Variants in LINGO2 observed in about 807,000 individuals in gnomAD.
LINGO2 encodes leucine-rich repeat and immunoglobulin-like domain-containing nogo receptor-interacting protein 2.
Under a neutral mutation model 30.6 loss-of-function variants are expected in LINGO2, and 14 were observed. That is an observed-to-expected ratio of 0.46 (90% CI 0.30 to 0.72). The LOEUF (loss-of-function observed/expected upper bound fraction) is 0.72, where lower values mean the gene tolerates loss of function less well. Among genes scored for constraint, LINGO2 ranks in the 30% least tolerant of loss-of-function variants. The pLI is 0.07. For missense variants in LINGO2, 729 were observed against 751.7 expected (o/e 0.97, Z 0.35); for synonymous variants, 317 against 288.5 (o/e 1.10, Z -1.00).
chr9:29,039,403 T>C, the LINGO2 span, among the ~76,000 whole-genome samples: 1 of 152,134 alleles, frequency 6.6e-6, no homozygotes, highest in Admixed American at 6.6e-5. Flanking sequence ...TTGTGTTAAA[T>C]AGGGTGTTTC....
At chr9:28,388,716 T>C (rs1348740953) in intron 2 of LINGO2, among the ~76,000 whole-genome samples, 1 of 152,222 alleles carries the variant, frequency 6.6e-6, no homozygotes, top group Non-Finnish European at 1.5e-5. Context: ...GTGTATTTTG[T>C]GGTTTTTGAC....
the LINGO2 span, among the ~76,000 whole-genome samples, chr9:28,716,456 A>G: frequency 6.6e-6 from 1 of 152,082 alleles, no homozygotes; most frequent in Admixed American, 6.6e-5. Context: ...ACCCTGACAC[A>G]ATGACATAAT....
chr9:28,493,049 T>A (rs1342068719), intron 1 of LINGO2, among the ~76,000 whole-genome samples: 1 of 152,086 alleles, frequency 6.6e-6, no homozygotes, highest in Non-Finnish European at 1.5e-5. Flanking sequence ...CTGGTTGAGA[T>A]GCCTAAAGGT....
chr9:29,119,802 T>C, the LINGO2 span, among the ~76,000 whole-genome samples: 1 of 152,070 alleles, frequency 6.6e-6, no homozygotes, highest in African/African-American at 2.4e-5. Context: ...TTCACCATGT[T>C]GGCCAGGCTG....
At chr9:28,919,690 C>A in the LINGO2 span, among the ~76,000 whole-genome samples, 1 of 151,972 alleles carries the variant, frequency 6.6e-6, no homozygotes, top group South Asian at 2.1e-4. Flanking sequence ...CATACAAGGA[C>A]AAAGAAGGTT....
chr9:28,605,524 A>G (rs750728385), intron 1 of LINGO2, among the ~76,000 whole-genome samples: 23 of 152,140 alleles, frequency 1.5e-4, no homozygotes, highest in Non-Finnish European at 2.4e-4. Flanking sequence ...TAAATATTGT[A>G]TATCTCTCAC....
intron 4 of LINGO2, among the ~76,000 whole-genome samples, chr9:28,119,298 T>A (rs2133389614): frequency 6.6e-6 from 1 of 152,334 alleles, no homozygotes; most frequent in African/African-American, 2.4e-5. Flanking sequence ...CAGCTAATTT[T>A]TGTATTTTAG....
intron 4 of LINGO2, among the ~76,000 whole-genome samples, chr9:28,036,868 G>T (rs1823961438): frequency 6.6e-6 from 1 of 152,186 alleles, no homozygotes; most frequent in Non-Finnish European, 1.5e-5. Context: ...AAAATATAAT[G>T]ACTAGCTCAG....
intron 2 of LINGO2, 61 bp downstream of exon 4, chr9:28,475,879 T>A (rs1825709535): frequency 1.3e-5 from 2 of 152,714 alleles, no homozygotes; most frequent in South Asian, 4.1e-4. Context: ...CTATGCAGAC[T>A]TTTTGCATAA....
intron 1 of LINGO2, among the ~76,000 whole-genome samples, chr9:28,515,791 T>G (rs1206399756): frequency 1.3e-5 from 2 of 152,180 alleles, no homozygotes; most frequent in African/African-American, 4.8e-5. Flanking sequence ...CAATGGCAGG[T>G]TTTGAGAGGA....
At chr9:29,061,737 A>G in the LINGO2 span, among the ~76,000 whole-genome samples, 1 of 152,072 alleles carries the variant, frequency 6.6e-6, no homozygotes, top group Non-Finnish European at 1.5e-5. Flanking sequence ...AAGAAAACAT[A>G]GGGTAAAAGC....
intron 4 of LINGO2, among the ~76,000 whole-genome samples, chr9:28,041,163 G>A (rs1238707222): frequency 6.6e-6 from 1 of 152,166 alleles, no homozygotes; most frequent in Non-Finnish European, 1.5e-5. Flanking sequence ...CCATCTTTGT[G>A]TCTGAATCTA....
At position 28,423,192 on chromosome 9, in the gene LINGO2, T is replaced by C. The variant is rs75574125; in HGVS notation, c.-278-50324A>G. 4.3e-4 allele frequency among the ~76,000 whole-genome samples: 65 copies of C among 152,212 alleles called. No homozygotes were observed. In the East Asian group the frequency reaches 0.012, roughly 28 times the overall value. ...AAGGTGGTAAATTTTATGTCATGTG[T>C]ATTCCACCACAATTTTTTAAAAAGT... On this transcript the variant is annotated intron_variant, in intron 2 of 5. Coordinates refer to ENST00000379992, the Ensembl canonical transcript of LINGO2.
At chr9:28,950,650 T>C in the LINGO2 span, among the ~76,000 whole-genome samples, 2 of 151,982 alleles carry the variant, frequency 1.3e-5, no homozygotes, top group African/African-American at 4.8e-5. Context: ...TCAAAATTGC[T>C]ACAAAGAAAA....
intron 4 of LINGO2, among the ~76,000 whole-genome samples, chr9:28,212,320 A>T (rs1820619871): frequency 6.6e-6 from 1 of 151,416 alleles, no homozygotes; most frequent in Non-Finnish European, 1.5e-5. Context: ...AAATGAGACT[A>T]AAAAAACTTC....
At chr9:28,954,853 A>G in the LINGO2 span, among the ~76,000 whole-genome samples, 2 of 152,244 alleles carry the variant, frequency 1.3e-5, no homozygotes, top group African/African-American at 2.4e-5. Context: ...CTTCAGTAAC[A>G]TCACTCTCGT....
intron 1 of LINGO2, among the ~76,000 whole-genome samples, chr9:28,650,926 T>C (rs1437589260): frequency 2.0e-5 from 3 of 152,102 alleles, no homozygotes; most frequent in African/African-American, 4.8e-5. Flanking sequence ...TGCGATGGCT[T>C]ACGCCTGTAA....
At chr9:28,840,803 T>C in the LINGO2 span, among the ~76,000 whole-genome samples, 1 of 151,908 alleles carries the variant, frequency 6.6e-6, no homozygotes, top group Non-Finnish European at 1.5e-5. Flanking sequence ...CATTGTAAGA[T>C]GTGGTGTGAG....
At chr9:28,849,165 C>A in the LINGO2 span, among the ~76,000 whole-genome samples, 1 of 151,960 alleles carries the variant, frequency 6.6e-6, no homozygotes, top group Non-Finnish European at 1.5e-5. Flanking sequence ...AAAGACATTT[C>A]TTACGCTCTT....
Sources: allele counts gnomAD v4.1 joint callset (sites outside exome capture counted in the v4.1 genomes callset), GRCh38; gene constraint gnomAD v4.1.1; transcripts MANE v1.5; gene names NCBI Gene and HGNC (gene_info 2026-07-23, HGNC 2026-07-21).